The following PPME1 variants were observed in gnomAD, a reference collection of about 807,000 sequenced individuals.
PPME1 encodes testicular secretory protein Li 39.
A neutral mutation model predicts 56.9 loss-of-function variants in PPME1; 17 were observed. That is an observed-to-expected ratio of 0.30 (90% CI 0.20 to 0.45). The LOEUF is 0.45. PPME1 is among the 20% of genes least tolerant of loss of function. PPME1 has a pLI of 1.00. For missense variants in PPME1, 357 were observed against 483.2 expected (o/e 0.74, Z 2.45); for synonymous variants, 122 against 156.2 (o/e 0.78, Z 1.63).
At chr11:74,216,207 G>T (rs1250651280) in intron 3 of PPME1, among the ~76,000 whole-genome samples, 1 of 152,172 alleles carries the variant, frequency 6.6e-6, no homozygotes, top group Non-Finnish European at 1.5e-5. Flanking sequence ...TTCTCCTCAA[G>T]ACATGGATCA....
Position 74,216,886 on chromosome 11 carries a change from T to A in PPME1, c.289-5426T>A, listed in dbSNP as rs185029385. Among the ~76,000 whole-genome samples, 671 of 152,230 alleles carry A rather than the reference T, an allele frequency of 4.4e-3. 3 individuals carry two copies. Among genetic ancestry groups the A allele is most frequent in the Non-Finnish European group, 7.7e-3 (524 of 68,020 alleles). On this transcript the variant is annotated intron_variant, in intron 3 of 13. Transcript: ENST00000328257. The stretch of plus-strand genomic sequence containing the variant: ...GAAAATCTAGAAGAAATGGATAAAT[T>A]TCTAGACACGTACAACCTACGAAGG...
chr11:74,249,350 C>T (rs1039283646), intron 11 of PPME1: 2 of 152,156 alleles, frequency 1.3e-5, no homozygotes, highest in Non-Finnish European at 2.9e-5. Flanking sequence ...GCTCTCTGAA[C>T]CTAAGGCTCC....
intron 5 of PPME1, among the ~76,000 whole-genome samples, chr11:74,229,734 T>C (rs1859019971): frequency 6.6e-6 from 1 of 152,238 alleles, no homozygotes; most frequent in South Asian, 2.1e-4. Context: ...TCTTTTTTTA[T>C]AGATGTCGAA....
At chr11:74,180,485 C>G (rs893427906) in intron 1 of PPME1, among the ~76,000 whole-genome samples, 2 of 152,192 alleles carry the variant, frequency 1.3e-5, no homozygotes, top group African/African-American at 4.8e-5. Context: ...TACTGCCTTT[C>G]TCCTAAAAGC....
intron 1 of PPME1, among the ~76,000 whole-genome samples, chr11:74,194,646 C>T (rs1173007522): frequency 5.3e-5 from 8 of 151,826 alleles, no homozygotes; most frequent in Admixed American, 5.2e-4. Context: ...CAAATACTTA[C>T]ATATAATTTT....
intron 1 of PPME1, among the ~76,000 whole-genome samples, chr11:74,178,216 C>T (rs1304307326): frequency 6.6e-6 from 1 of 152,198 alleles, no homozygotes; most frequent in East Asian, 1.9e-4. Flanking sequence ...CTACTTCTAT[C>T]TTATCTTTAC....
rs1438397737 is a variant in PPME1, at chr11:74,173,056, G to A, written c.101+1534G>A. Reference sequence around the variant, plus strand: ...GAGTGGAGACCTGCTATGATACGCAGTAGAAAAATGAGAAAACTTTAGCAG... The same window carrying A: ...GAGTGGAGACCTGCTATGATACGCAATAGAAAAATGAGAAAACTTTAGCAG... On this transcript the variant is annotated intron_variant, in intron 1 of 13. Transcript: ENST00000328257. 1.3e-5 allele frequency among the ~76,000 whole-genome samples: 2 copies of A among 152,286 alleles called. 1 individual carries two copies. The highest frequency in any genetic ancestry group is 4.2e-4 in the South Asian group (2 of 4,818).
chr11:74,195,162 C>A (rs1305597924), intron 1 of PPME1, among the ~76,000 whole-genome samples: 1 of 152,150 alleles, frequency 6.6e-6, no homozygotes, highest in African/African-American at 2.4e-5. Flanking sequence ...ATAATAAATT[C>A]TCATGTGTCC....
chr11:74,241,781 T>C (rs780295051), intron 9 of PPME1, among the ~76,000 whole-genome samples: 2 of 152,238 alleles, frequency 1.3e-5, no homozygotes, highest in African/African-American at 4.8e-5. Flanking sequence ...TGTCCACTTA[T>C]ATATCTTCTT....
intron 1 of PPME1, chr11:74,198,896 C>G (rs983952339): frequency 6.6e-6 from 1 of 152,154 alleles, no homozygotes; most frequent in South Asian, 2.1e-4. Flanking sequence ...ACTGTTGGGC[C>G]ACTCCAAAAA....
At chr11:74,196,889 A>T (rs1857996082) in intron 1 of PPME1, among the ~76,000 whole-genome samples, 2 of 152,208 alleles carry the variant, frequency 1.3e-5, no homozygotes, top group South Asian at 4.1e-4. Flanking sequence ...GGAAGCTCCC[A>T]AGTGTGGGTC....
rs531793293 is a variant in PPME1 at position 74,174,614 on chromosome 11, T to C, written c.101+3092T>C. Among the ~76,000 whole-genome samples the C allele has an allele frequency of 2.8e-4, 42 of 152,368 alleles. No individual in the cohort carries two copies. In the Middle Eastern group the frequency reaches 0.014, roughly 49 times the overall value. ...AACATTATTTAGGCATGTTTGCATA[T>C]TCAGGGTGCATATTCTGAGTTGGTG... On this transcript the variant is annotated intron_variant, in intron 1 of 13. Transcript: ENST00000328257.
At chr11:74,201,263 C>CCG (rs1176182133) in intron 1 of PPME1, among the ~76,000 whole-genome samples, 1 of 152,156 alleles carries the variant, frequency 6.6e-6, no homozygotes, top group Non-Finnish European at 1.5e-5. Context: ...GCGTGAGCCA[C>CCG]CGCGCCCGGC....
chr11:74,190,081 GAGAC>G (rs1258437364), intron 1 of PPME1, among the ~76,000 whole-genome samples: 2 of 152,182 alleles, frequency 1.3e-5, no homozygotes, highest in Non-Finnish European at 2.9e-5. Context: ...TATAAAATGA[GAGAC>G]AGACTTTCAA....
chr11:74,218,030 C>G (rs1277799204), intron 3 of PPME1, among the ~76,000 whole-genome samples: 4 of 152,048 alleles, frequency 2.6e-5, no homozygotes, highest in Non-Finnish European at 5.9e-5. Flanking sequence ...TTAGAAAATC[C>G]TAAAGACTCC....
intron 2 of PPME1, among the ~76,000 whole-genome samples, 169 bp from the exon 3 acceptor site, chr11:74,204,184 G>A (rs1858258603): frequency 2.0e-5 from 3 of 151,376 alleles, no homozygotes; most frequent in Admixed American, 2.0e-4. Flanking sequence ...TGGTCACACA[G>A]GCTTCATGCT....
Position 74,230,819 on chromosome 11 carries a change from G to A in PPME1, c.554-93G>A. On this transcript the variant is annotated intron_variant, in intron 6 of 13. Transcript: ENST00000328257. This position sits in a 1 kb window ranked among gnomAD's most constrained non-coding sequence, Gnocchi z 4.9. ...TCTGCGAGCATCACTAAATTCTGCT[G>A]TCATCAAGAGCAGATATATAGTAGT... The A allele has an allele frequency of 2.0e-6, 2 of 980,916 alleles. No individual in the cohort carries two copies. The highest frequency in any genetic ancestry group is 3.1e-6 in the Non-Finnish European group (2 of 640,676). The allele number at this position is 980,916 out of a possible 1,614,324, so 60.8% of individuals were successfully genotyped here. A position where few individuals can be genotyped will look rare whatever the true frequency, so the allele number is the denominator to read the frequency against.
rs371314190 is a variant in PPME1 at position 74,225,268 on chromosome 11, A to C, written c.398+12A>C. The C allele has an allele frequency of 1.0e-5, 16 of 1,535,892 alleles. No homozygotes were observed. The African/African-American group carries it at 1.8e-4, about 17-fold the overall frequency. ...GAAACAATGGCAAAGTAAGTAACCA[A>C]ATATTTCTTATACATTGCCTGTCTC... On this transcript the variant is annotated intron_variant, in intron 5 of 13. Coordinates refer to ENST00000328257, the MANE Select transcript of PPME1 (RefSeq NM_016147.3).
At chr11:74,190,689 C>T (rs200646109) in intron 1 of PPME1, among the ~76,000 whole-genome samples, 24 of 152,080 alleles carry the variant, frequency 1.6e-4, no homozygotes, top group East Asian at 1.2e-3. Context: ...AACTGGATAA[C>T]GGGCAGAGGT....
Sources: allele counts gnomAD v4.1 joint callset (sites outside exome capture counted in the v4.1 genomes callset), GRCh38; gene constraint gnomAD v4.1.1; non-coding constraint Gnocchi (gnomAD v3.1); transcripts MANE v1.5; gene names NCBI Gene and HGNC (gene_info 2026-07-23, HGNC 2026-07-21).